NEBL: variants seen among roughly 807,000 people sequenced by gnomAD.
The protein encoded by NEBL is nebulette.
NEBL carries 122 observed loss-of-function variants against 140.2 expected under a neutral mutation model. The ratio of observed to expected loss-of-function variants is 0.87; its 90% CI spans 0.75 to 1.01. The LOEUF (loss-of-function observed/expected upper bound fraction) is 1.01, where lower values mean the gene tolerates loss of function less well. Among genes scored for constraint, NEBL ranks in the 50% least tolerant of loss-of-function variants. NEBL has a pLI of 0.00. For synonymous variants in NEBL, 436 were observed against 398.9 expected, an observed-to-expected ratio of 1.09 and a Z score of -1.11; for missense variants, 1,365 against 1,231.3, an observed-to-expected ratio of 1.11 and a Z score of -1.62.
intron 1 of NEBL, among the ~76,000 whole-genome samples, chr10:21,283,644 G>C (rs1205960908): frequency 6.6e-6 from 1 of 152,138 alleles, no homozygotes; most frequent in Non-Finnish European, 1.5e-5. Context: ...ACCCAGCAGA[G>C]TCTGGAATAA....
chr10:21,224,525 A>AT (rs998010926), intron 3 of NEBL, among the ~76,000 whole-genome samples: 6 of 151,430 alleles, frequency 4.0e-5, no homozygotes, highest in South Asian at 2.1e-4. Flanking sequence ...ACATTTTAAG[A>AT]TTTTTTTTTC....
At chr10:21,119,796 T>C (rs1270453367) in intron 2 of NEBL, among the ~76,000 whole-genome samples, 1 of 152,104 alleles carries the variant, frequency 6.6e-6, no homozygotes, top group African/African-American at 2.4e-5. Flanking sequence ...GACCAAGAAA[T>C]GTCCTTGATA....
At chr10:20,877,362 C>T (rs1161163628) in intron 5 of NEBL, among the ~76,000 whole-genome samples, 1 of 152,190 alleles carries the variant, frequency 6.6e-6, no homozygotes, top group African/African-American at 2.4e-5. Context: ...CAATGTCTGA[C>T]TCCAAATTCC....
chr10:20,815,742 A>G (rs1564349127), intron 21 of NEBL, 25 bp from the exon 22 acceptor site: 9 of 1,422,928 alleles, frequency 6.3e-6, no homozygotes, highest in Non-Finnish European at 8.9e-6. Flanking sequence ...AACAAAAAAT[A>G]GAATACTATG....
chr10:21,259,742 C>T (rs914729469), intron 1 of NEBL, among the ~76,000 whole-genome samples: 5 of 152,166 alleles, frequency 3.3e-5, no homozygotes, highest in African/African-American at 7.2e-5. Flanking sequence ...ACCCCACGTG[C>T]GATGGCTTCA....
Position 21,030,655 on chromosome 10 carries a change from G to A in NEBL, c.165-10454C>T, listed in dbSNP as rs1453446879. ...AGCAAGGAAAGATGAAAATAAAGTA[G>A]GTGTGGTGAATGTCCCAAAAGACCA... On this transcript the variant is annotated intron_variant, in intron 2 of 6. Coordinates refer to the NEBL transcript ENST00000417816. 1.4e-5 allele frequency: 7 copies of A among 517,402 alleles called. No individual in the cohort carries two copies. In the East Asian group the frequency reaches 3.3e-4, roughly 24 times the overall value. The allele number at this position is 517,402 out of a possible 1,614,324, so 32.1% of individuals were successfully genotyped here.
At chr10:21,186,229 C>A (rs1016427204) in intron 3 of NEBL, among the ~76,000 whole-genome samples, 1 of 150,848 alleles carries the variant, frequency 6.6e-6, no homozygotes, top group African/African-American at 2.5e-5. Flanking sequence ...ACATAACCAT[C>A]CCTTTTTAAA....
chr10:21,073,202 A>T (rs1036826544), intron 2 of NEBL, among the ~76,000 whole-genome samples: 1 of 152,090 alleles, frequency 6.6e-6, no homozygotes, highest in Non-Finnish European at 1.5e-5. Context: ...TCACATCTGT[A>T]ATCCCAGCAC....
intron 3 of NEBL, among the ~76,000 whole-genome samples, chr10:21,246,396 A>G (rs936148145): frequency 2.0e-5 from 3 of 152,252 alleles, no homozygotes; most frequent in African/African-American, 7.2e-5. Context: ...ACGTCATACA[A>G]AAACTGGGAC....
intron 4 of NEBL, among the ~76,000 whole-genome samples, chr10:20,937,086 C>A (rs1009291143): frequency 6.6e-6 from 1 of 152,182 alleles, no homozygotes; most frequent in Non-Finnish European, 1.5e-5. Flanking sequence ...CCCAATGACA[C>A]AGGCTCAGCT....
chr10:20,832,001 C>G (rs1840462275), intron 14 of NEBL, among the ~76,000 whole-genome samples: 1 of 152,098 alleles, frequency 6.6e-6, no homozygotes, highest in South Asian at 2.1e-4. Flanking sequence ...CCTTCATTGG[C>G]TCCCTAATTT....
intron 3 of NEBL, among the ~76,000 whole-genome samples, chr10:21,227,705 TTCTTCTTTCTTCTTCTTCTTCTTC>T (rs1842178200): frequency 9.7e-5 from 7 of 72,482 alleles, no homozygotes; most frequent in African/African-American, 3.5e-4. Context: ...CTTCTTCTTC[TTCTTCTTTCTTCTTCTTCTTCTTC>T]TTCTTCTTCT....
At chr10:21,046,984 A>C (rs1422058707) in intron 2 of NEBL, among the ~76,000 whole-genome samples, 2 of 152,196 alleles carry the variant, frequency 1.3e-5, no homozygotes, top group Admixed American at 6.5e-5. Context: ...GGAAAAAAAC[A>C]AGTATATATA....
chr10:20,865,799 A>T (rs947261005), intron 7 of NEBL, among the ~76,000 whole-genome samples: 3 of 152,154 alleles, frequency 2.0e-5, no homozygotes. Flanking sequence ...ACTGTAAAAC[A>T]ATTACTATGA....
intron 3 of NEBL, among the ~76,000 whole-genome samples, chr10:21,230,604 CT>C (rs1157514424): frequency 0.025 from 3,170 of 125,406 alleles, 50 homozygotes; most frequent in African/African-American, 0.071. Context: ...AACTGGAAAC[CT>C]TTTTTTTTTT....
chr10:21,241,678 T>C (rs1408508753), intron 3 of NEBL, among the ~76,000 whole-genome samples: 2 of 152,048 alleles, frequency 1.3e-5, no homozygotes, highest in Admixed American at 6.5e-5. Flanking sequence ...GAGCCAGATG[T>C]GGAGCCTAGG....
intron 3 of NEBL, among the ~76,000 whole-genome samples, chr10:21,214,089 T>C (rs1487641251): frequency 1.3e-5 from 2 of 152,022 alleles, no homozygotes; most frequent in African/African-American, 2.4e-5. Context: ...CTTAGTCTTC[T>C]TCAATTCTCA....
At chr10:20,992,080 T>C (rs2131688171) in intron 3 of NEBL, among the ~76,000 whole-genome samples, 1 of 152,324 alleles carries the variant, frequency 6.6e-6, no homozygotes, top group Non-Finnish European at 1.5e-5. Context: ...TAAACATGAA[T>C]GCAGGTATCT....
intron 2 of NEBL, among the ~76,000 whole-genome samples, chr10:21,051,108 C>T (rs2131852824): frequency 6.6e-6 from 1 of 152,282 alleles, no homozygotes; most frequent in African/African-American, 2.4e-5. Flanking sequence ...GAATAAAGCA[C>T]CATCCCTGAT....
Sources: allele counts gnomAD v4.1 joint callset (sites outside exome capture counted in the v4.1 genomes callset), GRCh38; gene constraint gnomAD v4.1.1; transcripts MANE v1.5; gene names NCBI Gene and HGNC (gene_info 2026-07-23, HGNC 2026-07-21).